Variants in MCPH1 observed in about 807,000 individuals in gnomAD.
MCPH1 encodes the protein microcephalin.
Under a neutral mutation model 84.5 loss-of-function variants are expected in MCPH1, and 104 were observed. The ratio of observed to expected loss-of-function variants is 1.23; its 90% CI spans 1.05 to 1.45. The LOEUF (loss-of-function observed/expected upper bound fraction) is 1.45, where lower values mean the gene tolerates loss of function less well. Ranked by LOEUF, MCPH1 falls within the 40% of genes most tolerant of loss-of-function variation. The pLI is 0.00. For synonymous variants in MCPH1, 514 were observed against 366.8 expected, an observed-to-expected ratio of 1.40 and a Z score of -4.58; for missense variants, 1,498 against 1,005.7, an observed-to-expected ratio of 1.49 and a Z score of -6.62.
intron 12 of MCPH1, among the ~76,000 whole-genome samples, chr8:6,558,658 C>G (rs1277962884): frequency 6.6e-6 from 1 of 152,038 alleles, no homozygotes; most frequent in Non-Finnish European, 1.5e-5. Context: ...TATCTAGTGT[C>G]TCAATAGAAG....
At chr8:6,411,930 G>C (rs1250695650) in intron 2 of MCPH1, among the ~76,000 whole-genome samples, 1 of 152,132 alleles carries the variant, frequency 6.6e-6, no homozygotes, top group Non-Finnish European at 1.5e-5. Flanking sequence ...TTATGTCCTT[G>C]TCTGGCATTT....
intron 12 of MCPH1, among the ~76,000 whole-genome samples, chr8:6,505,722 A>T (rs1183993085): frequency 6.7e-5 from 9 of 134,186 alleles, no homozygotes; most frequent in Non-Finnish European, 1.4e-4. Context: ...TATATATTCT[A>T]TATATATTCT....
At chr8:6,532,376 G>T (rs1326910688) in intron 12 of MCPH1, 1 of 1,614,042 alleles carries the variant, frequency 6.2e-7, no homozygotes, top group Non-Finnish European at 8.5e-7. Context: ...TCCGCTGTTT[G>T]GTTCAACAGG....
chr8:6,457,710 A>C (rs1256856514), intron 9 of MCPH1, among the ~76,000 whole-genome samples: 1 of 152,196 alleles, frequency 6.6e-6, no homozygotes, highest in African/African-American at 2.4e-5. Flanking sequence ...GAGGGGACGA[A>C]CACCTAGTGA....
At chr8:6,441,304 C>A (rs150745025) in intron 6 of MCPH1, among the ~76,000 whole-genome samples, 120 of 152,304 alleles carry the variant, frequency 7.9e-4, no homozygotes, top group Non-Finnish European at 1.4e-3. Context: ...TATTACTTGG[C>A]AGTGTTAATT....
At chr8:6,521,454 G>A in intron 12 of MCPH1, 1 of 1,332,706 alleles carries the variant, frequency 7.5e-7, no homozygotes, top group Non-Finnish European at 1.0e-6. Context: ...CTATTCTAAT[G>A]AAATATTTTA....
chr8:6,499,742 C>T (rs1055363862), intron 11 of MCPH1, 110 bp from the exon 12 acceptor site: 2 of 871,634 alleles, frequency 2.3e-6, no homozygotes, highest in African/African-American at 1.6e-5. Flanking sequence ...ACATCTATTT[C>T]AGATCTGCGG....
At chr8:6,552,360 C>A (rs1823797675) in intron 12 of MCPH1, among the ~76,000 whole-genome samples, 1 of 152,174 alleles carries the variant, frequency 6.6e-6, no homozygotes, top group African/African-American at 2.4e-5. Context: ...GGAGCAGTTT[C>A]CACAGAGGCA....
intron 3 of MCPH1, among the ~76,000 whole-genome samples, chr8:6,424,919 C>G (rs1451029724): frequency 6.6e-6 from 1 of 152,228 alleles, no homozygotes; most frequent in East Asian, 1.9e-4. Flanking sequence ...ACTTTTTTAC[C>G]TCACTAACAC....
At position 6,513,417 on chromosome 8, in the gene MCPH1, C is replaced by A. The variant is rs538465357; in HGVS notation, c.2214+13488C>A. Among the ~76,000 whole-genome samples the A allele has an allele frequency of 4.0e-5, 6 of 151,424 alleles. No individual in the cohort carries two copies. In the South Asian group the frequency reaches 1.3e-3, roughly 32 times the overall value. On this transcript the variant is annotated intron_variant, in intron 12 of 13. Transcript: ENST00000344683. ...GCACGATCTCGGCTCACTGCAAGCT[C>A]CGCCTCCCGGGTTCACGCCATTCTT...
chr8:6,606,400 C>T (rs1158346483), intron 12 of MCPH1, among the ~76,000 whole-genome samples: 1 of 152,146 alleles, frequency 6.6e-6, no homozygotes, highest in East Asian at 1.9e-4. Flanking sequence ...CATCTTGAAC[C>T]AAACCATGGC....
intron 12 of MCPH1, among the ~76,000 whole-genome samples, chr8:6,538,923 A>G (rs1218954919): frequency 6.6e-6 from 1 of 152,144 alleles, no homozygotes; most frequent in Non-Finnish European, 1.5e-5. Flanking sequence ...TTTTGACCTA[A>G]TGTTCTTGGT....
chr8:6,518,536 C>T (rs1257079604), intron 12 of MCPH1, among the ~76,000 whole-genome samples: 2 of 152,152 alleles, frequency 1.3e-5, no homozygotes, highest in Admixed American at 1.3e-4. Flanking sequence ...CAATATTTAT[C>T]TTTTCCGTTC....
intron 13 of MCPH1, among the ~76,000 whole-genome samples, chr8:6,632,321 T>C (rs569763087): frequency 6.6e-6 from 1 of 152,254 alleles, no homozygotes; most frequent in East Asian, 1.9e-4. Context: ...CACTTAAAAA[T>C]AGCTAATATG....
At chr8:6,630,296 G>T (rs1797061074) in intron 13 of MCPH1, among the ~76,000 whole-genome samples, 1 of 152,168 alleles carries the variant, frequency 6.6e-6, no homozygotes, top group Non-Finnish European at 1.5e-5. Flanking sequence ...GAAATACTAA[G>T]AATGAAATTG....
chr8:6,475,133 G>C (rs1001102611), intron 9 of MCPH1, among the ~76,000 whole-genome samples: 2 of 152,174 alleles, frequency 1.3e-5, no homozygotes, highest in Non-Finnish European at 2.9e-5. Flanking sequence ...TTCTCACTTG[G>C]TAAGACCATC....
intron 8 of MCPH1, among the ~76,000 whole-genome samples, chr8:6,447,846 G>A (rs1309303909): frequency 2.0e-5 from 3 of 152,076 alleles, no homozygotes; most frequent in Non-Finnish European, 4.4e-5. Flanking sequence ...ACCGCGCCCG[G>A]CCAACAATTT....
chr8:6,472,574 C>A (rs1014534127), intron 9 of MCPH1, among the ~76,000 whole-genome samples: 1 of 152,258 alleles, frequency 6.6e-6, no homozygotes, highest in East Asian at 1.9e-4. Flanking sequence ...TCAAGCCATT[C>A]TCCTGCCCCA....
At chr8:6,492,199 G>T (rs1182378543) in intron 11 of MCPH1, among the ~76,000 whole-genome samples, 1 of 152,178 alleles carries the variant, frequency 6.6e-6, no homozygotes, top group Non-Finnish European at 1.5e-5. Context: ...TCTCATTGTG[G>T]TTTTAATTTG....
Sources: gnomAD v4.1 joint callset for allele counts (sites outside exome capture counted in the v4.1 genomes callset) on GRCh38, gnomAD v4.1.1 for gene constraint, MANE v1.5 for transcripts, NCBI Gene and HGNC (gene_info 2026-07-23, HGNC 2026-07-21) for gene names.